The following SH3BGR variants were observed in gnomAD, a reference collection of about 807,000 sequenced individuals.
SH3BGR encodes the protein SH3 domain binding glutamate rich protein.
SH3BGR carries 29 observed loss-of-function variants against 24.5 expected under a neutral mutation model. The observed-to-expected ratio is 1.18, with a 90% CI of 0.88 to 1.61. SH3BGR has a LOEUF of 1.61. Among genes scored for constraint, SH3BGR ranks in the 40% most tolerant of loss-of-function variants. The probability of loss-of-function intolerance (pLI) is 0.00; values close to 1 mark genes in which losing one functional copy is unlikely to be tolerated. For synonymous variants in SH3BGR, 55 were observed against 65.7 expected (o/e 0.84, Z 0.79); for missense variants, 162 against 205.8 (o/e 0.79, Z 1.30).
At chr21:39,463,255 TTTAA>T (rs1278879658) in intron 2 of SH3BGR, among the ~76,000 whole-genome samples, 2 of 152,262 alleles carry the variant, frequency 1.3e-5, no homozygotes, top group African/African-American at 4.8e-5. Context: ...TTTGTGTAAC[TTTAA>T]TTAGTTTGAA....
chr21:39,457,330 TTATTATA>T (rs1242946091), intron 1 of SH3BGR, among the ~76,000 whole-genome samples: 1 of 142,958 alleles, frequency 7.0e-6, no homozygotes, highest in Non-Finnish European at 1.5e-5. Context: ...ATATATAAGA[TTATTATA>T]TATTATATAG....
Position 39,515,447 on chromosome 21 carries a change from G to A in SH3BGR, c.*394G>A, listed in dbSNP as rs758630676. On this transcript the variant is annotated 3_prime_UTR_variant, in exon 7 of 7. Coordinates refer to ENST00000333634, the MANE Select transcript of SH3BGR (RefSeq NM_007341.3). ...CTTATGCTACTTATCTCAGAAACAG[G>A]TTTTAAAATGAAGTGCTTTCCAGAG... 8.1e-4 allele frequency: 126 copies of A among 155,094 alleles called. 1 individual carries two copies. The highest frequency in any genetic ancestry group is 3.3e-3 in the Middle Eastern group (1 of 304). The allele number at this position is 155,094 out of a possible 1,614,324, so 9.6% of individuals were successfully genotyped here.
intron 1 of SH3BGR, 86 bp from the exon 2 acceptor site, chr21:39,462,289 G>T: frequency 1.1e-6 from 1 of 925,984 alleles, no homozygotes; most frequent in South Asian, 1.5e-5. Context: ...GTGTTGTATA[G>T]TATAACTAGA....
At chr21:39,508,812 A>G (rs1422198021) in intron 4 of SH3BGR, among the ~76,000 whole-genome samples, 186 bp from the exon 5 acceptor site, 2 of 152,214 alleles carry the variant, frequency 1.3e-5, no homozygotes, top group Non-Finnish European at 2.9e-5. Context: ...CTTGAAATAT[A>G]ATGTATGAAA....
intron 3 of SH3BGR, among the ~76,000 whole-genome samples, chr21:39,479,237 G>GAT (rs1481427532): frequency 2.3e-4 from 29 of 125,862 alleles, no homozygotes; most frequent in Non-Finnish European, 5.3e-4. Flanking sequence ...TGGTGGTGGT[G>GAT]GTGGTGGTGG....
chr21:39,457,526 T>C (rs1034626334), intron 1 of SH3BGR, among the ~76,000 whole-genome samples: 1 of 146,974 alleles, frequency 6.8e-6, no homozygotes, highest in African/African-American at 2.5e-5. Context: ...TATAGTTATA[T>C]ATAAATCTTA....
chr21:39,447,254 C>T (rs1569143531), upstream of SH3BGR, among the ~76,000 whole-genome samples: 1 of 151,836 alleles, frequency 6.6e-6, no homozygotes, highest in Non-Finnish European at 1.5e-5. Flanking sequence ...CGGAGTTTTG[C>T]CATTGCGGGA....
rs1050946933 is a variant in SH3BGR at position 39,495,688 on chromosome 21, G to GC, written c.313-4132dup. ...TGTAGAGGAAGGATCTTGCTATGTT[G>GC]CCCAGGCTAGTCTTGAACCCTTGGC... On this transcript the variant is annotated intron_variant, in intron 3 of 6. Coordinates refer to ENST00000333634, the MANE Select transcript of SH3BGR (RefSeq NM_007341.3). 6.0e-4 allele frequency among the ~76,000 whole-genome samples: 92 copies of GC among 152,072 alleles called. 1 individual carries two copies. The highest frequency in any genetic ancestry group is 2.1e-3 in the African/African-American group (86 of 41,480).
At chr21:39,510,154 A>G (rs11701140) in intron 5 of SH3BGR, among the ~76,000 whole-genome samples, 64,782 of 132,142 alleles carry the variant, frequency 0.49, 18,732 homozygotes, top group East Asian at 0.68. Flanking sequence ...GTGTTAGCCA[A>G]GATGGTCTCG....
At chr21:39,479,063 G>A (rs2078074408) in intron 3 of SH3BGR, among the ~76,000 whole-genome samples, 1 of 152,104 alleles carries the variant, frequency 6.6e-6, no homozygotes, top group Non-Finnish European at 1.5e-5. Flanking sequence ...ATCTTTGACT[G>A]TTTGTATTTA....
intron 3 of SH3BGR, among the ~76,000 whole-genome samples, chr21:39,475,859 A>G (rs971746941): frequency 6.6e-6 from 1 of 152,190 alleles, no homozygotes; most frequent in East Asian, 1.9e-4. Flanking sequence ...GTGGATAGGG[A>G]TGGATTCCAT....
intron 2 of SH3BGR, among the ~76,000 whole-genome samples, chr21:39,464,351 T>C (rs1254452295): frequency 6.6e-6 from 1 of 152,102 alleles, no homozygotes; most frequent in Non-Finnish European, 1.5e-5. Flanking sequence ...GCCTCTTGAG[T>C]AGCTGAGATT....
intron 4 of SH3BGR, among the ~76,000 whole-genome samples, chr21:39,506,277 A>G (rs1016958252): frequency 6.6e-6 from 1 of 152,222 alleles, no homozygotes; most frequent in African/African-American, 2.4e-5. Context: ...TGGGTTAGGA[A>G]AGTCTCCTTG....
At chr21:39,499,559 G>A (rs1036665653) in intron 3 of SH3BGR, among the ~76,000 whole-genome samples, 1 of 152,176 alleles carries the variant, frequency 6.6e-6, no homozygotes, top group African/African-American at 2.4e-5. Context: ...TCATCAGCCT[G>A]AAGTGGGTGA....
At chr21:39,504,303 C>T (rs1407964059) in intron 4 of SH3BGR, among the ~76,000 whole-genome samples, 1 of 152,134 alleles carries the variant, frequency 6.6e-6, no homozygotes, top group Non-Finnish European at 1.5e-5. Context: ...CAGCCTGGGT[C>T]CCTGGAGTGC....
At chr21:39,448,506 A>T (rs1395395476), upstream of SH3BGR, among the ~76,000 whole-genome samples, 3 of 152,170 alleles carry the variant, frequency 2.0e-5, no homozygotes, top group African/African-American at 7.2e-5. Context: ...TGACTTGTTA[A>T]AATATACTCC....
intron 3 of SH3BGR, among the ~76,000 whole-genome samples, chr21:39,487,140 G>GT (rs1455955952): frequency 3.3e-5 from 5 of 151,406 alleles, no homozygotes; most frequent in Non-Finnish European, 4.4e-5. Context: ...CCATAACAAT[G>GT]TTTTTTTGTT....
In SH3BGR at chr21:39,481,699, A is replaced by AT. The variant is rs1301982177; in HGVS notation, c.312+6492dup. Reference sequence around the variant, plus strand: ...AATAATTAAAAGAGAAGATCCAAACATTTTTTTTCTGCCTTTTAAACTAGA... The same window carrying AT: ...AATAATTAAAAGAGAAGATCCAAACATTTTTTTTTCTGCCTTTTAAACTAGA... On this transcript the variant is annotated intron_variant, in intron 3 of 6. Coordinates refer to ENST00000333634, the MANE Select transcript of SH3BGR (RefSeq NM_007341.3). 4.6e-5 allele frequency among the ~76,000 whole-genome samples: 7 copies of AT among 152,004 alleles called. No homozygotes were observed. The East Asian group carries it at 5.8e-4, about 13-fold the overall frequency.
intron 3 of SH3BGR, among the ~76,000 whole-genome samples, chr21:39,487,710 G>A (rs1299803245): frequency 6.6e-6 from 1 of 152,176 alleles, no homozygotes; most frequent in Non-Finnish European, 1.5e-5. Flanking sequence ...TAATATATCT[G>A]GATCATGTAA....
Sources: allele counts gnomAD v4.1 joint callset (sites outside exome capture counted in the v4.1 genomes callset), GRCh38; gene constraint gnomAD v4.1.1; transcripts MANE v1.5; gene names NCBI Gene and HGNC (gene_info 2026-07-23, HGNC 2026-07-21).